The following CCDC91 variants were observed in gnomAD, a reference collection of about 807,000 sequenced individuals.
CCDC91 encodes the protein coiled-coil domain containing 91.
In CCDC91, 48 loss-of-function variants were observed where a neutral mutation model predicts 63.2. The observed-to-expected ratio is 0.76, with a 90% CI of 0.60 to 0.97. The LOEUF is 0.97. Among genes scored for constraint, CCDC91 ranks in the 50% least tolerant of loss-of-function variants. The pLI, the probability that CCDC91 is intolerant of heterozygous loss-of-function variation, is 0.00. For synonymous variants in CCDC91, 167 were observed against 165.8 expected, an observed-to-expected ratio of 1.01 and a Z score of -0.06; for missense variants, 500 against 494.6, an observed-to-expected ratio of 1.01 and a Z score of -0.10.
intron 3 of CCDC91, among the ~76,000 whole-genome samples, chr12:28,303,554 G>T (rs1216462408): frequency 6.6e-6 from 1 of 151,968 alleles, no homozygotes; most frequent in Non-Finnish European, 1.5e-5. Flanking sequence ...TATTAAAATA[G>T]GTGTTAGATC....
chr12:28,286,741 A>G lies in CCDC91; in HGVS notation c.110-18908A>G, dbSNP rs556403005. Among the ~76,000 whole-genome samples, 157 of 152,268 alleles carry G rather than the reference A, an allele frequency of 1.0e-3. 1 individual carries two copies. The highest frequency in any genetic ancestry group is 3.4e-3 in the African/African-American group (142 of 41,560). Reference sequence around the variant, plus strand: ...GTATATTCCCAGTAATGGGGGGACTATTGGGTCATATAGTAGTTTGTTTTT... The same window carrying G: ...GTATATTCCCAGTAATGGGGGGACTGTTGGGTCATATAGTAGTTTGTTTTT... On this transcript the variant is annotated intron_variant, in intron 3 of 12. Coordinates refer to ENST00000536442, the MANE Select transcript of CCDC91 (RefSeq NM_018318.5).
intron 7 of CCDC91, among the ~76,000 whole-genome samples, chr12:28,383,971 C>G (rs1945448864): frequency 3.9e-5 from 6 of 152,014 alleles, no homozygotes; most frequent in Admixed American, 3.9e-4. Context: ...GCAAACAAAG[C>G]TATAGATTGA....
At chr12:28,197,376 T>C (rs1389759194) in intron 1 of CCDC91, among the ~76,000 whole-genome samples, 2 of 152,168 alleles carry the variant, frequency 1.3e-5, no homozygotes, top group Non-Finnish European at 2.9e-5. Context: ...GAATTACTGA[T>C]GAATTACGTA....
At chr12:28,290,945 A>G (rs1949210161) in intron 3 of CCDC91, among the ~76,000 whole-genome samples, 2 of 152,160 alleles carry the variant, frequency 1.3e-5, no homozygotes, top group South Asian at 4.1e-4. Context: ...CTGTACTCTT[A>G]TGGCAGAACA....
intron 3 of CCDC91, among the ~76,000 whole-genome samples, chr12:28,268,043 A>T (rs1053304680): frequency 4.9e-4 from 68 of 137,616 alleles, no homozygotes; most frequent in Admixed American, 1.9e-3. Flanking sequence ...TATTAATTAA[A>T]AATTAAAAAT....
At chr12:28,191,589 G>A (rs1941250494) in intron 1 of CCDC91, among the ~76,000 whole-genome samples, 1 of 151,966 alleles carries the variant, frequency 6.6e-6, no homozygotes, top group Non-Finnish European at 1.5e-5. Context: ...TGGAGTTATT[G>A]GAGTGGGCTG....
chr12:28,277,548 G>C (rs1286180315), intron 3 of CCDC91, among the ~76,000 whole-genome samples: 1 of 151,988 alleles, frequency 6.6e-6, no homozygotes, highest in Non-Finnish European at 1.5e-5. Context: ...GAGAATTTTG[G>C]ATTTGGGACT....
At chr12:28,256,290 C>T (rs1409812729) in intron 1 of CCDC91, among the ~76,000 whole-genome samples, 1 of 152,086 alleles carries the variant, frequency 6.6e-6, no homozygotes, top group Admixed American at 6.6e-5. Flanking sequence ...TATAGATTCA[C>T]AATTACAGGT....
intron 11 of CCDC91, among the ~76,000 whole-genome samples, chr12:28,471,510 C>T (rs541226188): frequency 1.3e-5 from 2 of 152,186 alleles, no homozygotes; most frequent in Admixed American, 1.3e-4. Flanking sequence ...AGGGAACCCT[C>T]AAGAATAGGA....
At chr12:28,330,887 C>T (rs1217477955) in intron 6 of CCDC91, among the ~76,000 whole-genome samples, 1 of 151,996 alleles carries the variant, frequency 6.6e-6, no homozygotes, top group African/African-American at 2.4e-5. Flanking sequence ...CAAAGTTTTG[C>T]CCTTTAAAAA....
At chr12:28,398,104 C>T (rs945697112) in intron 8 of CCDC91, among the ~76,000 whole-genome samples, 6 of 152,094 alleles carry the variant, frequency 3.9e-5, no homozygotes, top group African/African-American at 9.7e-5. Context: ...TATATACACT[C>T]ATATATCTAT....
chr12:28,443,814 C>T lies in CCDC91; in HGVS notation c.763-6347C>T, dbSNP rs186803088. ...AATAGAATAAAAATTATTAGACAAA[C>T]GAAATGGAAAATAAATACAAAGTAC... On this transcript the variant is annotated intron_variant, in intron 8 of 12. Coordinates refer to ENST00000536442, the MANE Select transcript of CCDC91 (RefSeq NM_018318.5). Among the ~76,000 whole-genome samples the T allele has an allele frequency of 5.9e-3, 894 of 152,052 alleles. 7 individuals are homozygous for T. Among genetic ancestry groups the T allele is most frequent in the South Asian group, 0.019 (93 of 4,806 alleles).
chr12:28,440,722 T>C (rs367590364), intron 8 of CCDC91, among the ~76,000 whole-genome samples: 47 of 151,558 alleles, frequency 3.1e-4, no homozygotes, highest in African/African-American at 1.1e-3. Context: ...AAATCAGTAA[T>C]AAAAAAAGAG....
intron 7 of CCDC91, among the ~76,000 whole-genome samples, chr12:28,363,649 C>T (rs1277475407): frequency 1.3e-5 from 2 of 151,200 alleles, no homozygotes; most frequent in Non-Finnish European, 2.9e-5. Flanking sequence ...TTCGGGAGGC[C>T]GAGGCAGGTG....
chr12:28,358,958 C>T (rs1182584010), intron 6 of CCDC91, among the ~76,000 whole-genome samples: 10 of 152,062 alleles, frequency 6.6e-5, no homozygotes, highest in Admixed American at 4.6e-4. Context: ...TGCAGTGGCG[C>T]GATCTCGGCT....
At chr12:28,353,134 A>G (rs905046725) in intron 6 of CCDC91, among the ~76,000 whole-genome samples, 1 of 152,144 alleles carries the variant, frequency 6.6e-6, no homozygotes, top group Non-Finnish European at 1.5e-5. Flanking sequence ...TTTTCCTTCA[A>G]CATCATGAAC....
intron 1 of CCDC91, among the ~76,000 whole-genome samples, chr12:28,243,000 A>G (rs1222261569): frequency 6.6e-6 from 1 of 151,024 alleles, no homozygotes. Flanking sequence ...GCAGATGCCA[A>G]CATTGTTTCC....
At chr12:28,400,332 G>A (rs544430922) in intron 8 of CCDC91, among the ~76,000 whole-genome samples, 26 of 151,974 alleles carry the variant, frequency 1.7e-4, no homozygotes, top group African/African-American at 6.0e-4. Context: ...ATGTCCTGAG[G>A]TCTCTCCACA....
At chr12:28,390,531 A>C (rs2139280743) in intron 7 of CCDC91, among the ~76,000 whole-genome samples, 1 of 152,286 alleles carries the variant, frequency 6.6e-6, no homozygotes. Context: ...ATAATATTCT[A>C]AGCATCTCTA....
Sources: allele counts gnomAD v4.1 joint callset (sites outside exome capture counted in the v4.1 genomes callset), GRCh38; gene constraint gnomAD v4.1.1; transcripts MANE v1.5; gene names NCBI Gene and HGNC (gene_info 2026-07-23, HGNC 2026-07-21).